The following HBS1L variants were observed in gnomAD, a reference collection of about 807,000 sequenced individuals.
The protein encoded by HBS1L is HBS1 like translational GTPase.
A neutral mutation model predicts 88.9 loss-of-function variants in HBS1L; 55 were observed. The observed-to-expected ratio is 0.62, with a 90% CI of 0.50 to 0.77. HBS1L has a LOEUF of 0.77. HBS1L is among the 30% of genes least tolerant of loss of function. HBS1L has a pLI of 0.00. For synonymous variants in HBS1L, 267 were observed against 288.5 expected (o/e 0.93, Z 0.76); for missense variants, 741 against 829.3 (o/e 0.89, Z 1.31).
intron 4 of HBS1L, chr6:135,035,865 C>T (rs1041003670): frequency 3.9e-6 from 3 of 761,050 alleles, no homozygotes; most frequent in African/African-American, 4.0e-5. Flanking sequence ...TACTTGAAAA[C>T]ACTTTTTATA....
intron 15 of HBS1L, 68 bp downstream of exon 15, chr6:134,978,611 T>C: frequency 1.2e-6 from 1 of 810,590 alleles, no homozygotes; most frequent in South Asian, 1.9e-5. Context: ...TAAAGAAAGT[T>C]ACCACTTTTA....
Position 134,997,413 on chromosome 6 carries a change from G to C in HBS1L, c.783C>G (p.Leu261=). The C allele has an allele frequency of 6.2e-7, 1 of 1,613,972 alleles. No homozygotes were observed. Among genetic ancestry groups the C allele is most frequent in the Non-Finnish European group, 8.5e-7 (1 of 1,179,944 alleles). The change falls in exon 6 of 18, where the codon CTC becomes CTG. Residue 261 remains leucine, a synonymous_variant. Coordinates refer to ENST00000367837, the MANE Select transcript of HBS1L (RefSeq NM_006620.4). ...GAGCATTACCAATGACCACTAAGTT[G>C]AGTAGCTGCTTCCCTCCTTGCCGCT... The part of the protein sequence containing the change: ...LEKRQGGKQL[L]NLVVIGHVDA...
At position 134,986,815 on chromosome 6, in the gene HBS1L, T is replaced by C; in HGVS notation, c.1231-5A>G. 2 of 1,504,760 alleles carry C rather than the reference T, an allele frequency of 1.3e-6. No individual in the cohort carries two copies. The highest frequency in any genetic ancestry group is 1.8e-6 in the Non-Finnish European group (2 of 1,114,622). The allele number at this position is 1,504,760 out of a possible 1,614,324, so 93.2% of individuals were successfully genotyped here. A position where few individuals can be genotyped will look rare whatever the true frequency, so the allele number is the denominator to read the frequency against. On this transcript the variant is annotated splice_polypyrimidine_tract_variant and splice_region_variant and intron_variant, in intron 9 of 17. Coordinates refer to ENST00000367837, the MANE Select transcript of HBS1L (RefSeq NM_006620.4). Reference sequence around the variant, plus strand: ...CCTTTCTTGTTGCCAATTAACCTGATAAAGATCCAATTTATTTTTAAAACT... The same window carrying C: ...CCTTTCTTGTTGCCAATTAACCTGACAAAGATCCAATTTATTTTTAAAACT...
intron 16 of HBS1L, among the ~76,000 whole-genome samples, chr6:134,966,800 C>G (rs2114739655): frequency 6.6e-6 from 1 of 151,620 alleles, no homozygotes; most frequent in Middle Eastern, 3.4e-3. Flanking sequence ...TTCATTCCCT[C>G]AAGAAAGTGA....
intron 4 of HBS1L, chr6:135,036,682 T>A (rs1374940727): frequency 6.4e-7 from 1 of 1,551,276 alleles, no homozygotes; most frequent in Admixed American, 2.0e-5. Flanking sequence ...ATCTTGAACT[T>A]GTCTACTATA....
chr6:135,023,366 C>A (rs1238334296), intron 4 of HBS1L, among the ~76,000 whole-genome samples: 2 of 152,218 alleles, frequency 1.3e-5, no homozygotes, highest in Non-Finnish European at 2.9e-5. Context: ...GTGGTGTGAA[C>A]CCCAGAGGCG....
At chr6:134,966,910 G>GAAAAACAAA (rs1774331932) in intron 16 of HBS1L, among the ~76,000 whole-genome samples, 1 of 147,398 alleles carries the variant, frequency 6.8e-6, no homozygotes, top group African/African-American at 2.7e-5. Context: ...TAGTAAAACT[G>GAAAAACAAA]TAATTTATGG....
chr6:135,000,369 T>TA (rs1420353516), intron 5 of HBS1L, among the ~76,000 whole-genome samples: 1 of 151,820 alleles, frequency 6.6e-6, no homozygotes, highest in Non-Finnish European at 1.5e-5. Context: ...CCTGTACACT[T>TA]ACCTAATATT....
chr6:135,047,873 T>C (rs906625583), intron 2 of HBS1L, among the ~76,000 whole-genome samples: 2 of 152,228 alleles, frequency 1.3e-5, no homozygotes, highest in African/African-American at 4.8e-5. Context: ...TAGTCAACTG[T>C]GATGCTGAAT....
At chr6:134,982,664 G>T in intron 12 of HBS1L, 102 bp from the exon 13 acceptor site, 1 of 528,364 alleles carries the variant, frequency 1.9e-6, no homozygotes, top group Non-Finnish European at 3.4e-6. Flanking sequence ...AAAACTAGTA[G>T]TTCAATGGAC....
intron 16 of HBS1L, 72 bp from the exon 17 acceptor site, chr6:134,966,545 A>G: frequency 9.6e-7 from 1 of 1,037,800 alleles, no homozygotes; most frequent in Non-Finnish European, 1.3e-6. Flanking sequence ...AACTTGAAAA[A>G]CAAATATTTC....
Position 134,971,747 on chromosome 6 carries a change from A to G in HBS1L, c.1798-2409T>C, listed in dbSNP as rs143315591. ...AGTGTAATAGGAAAAAAAAGTACTG[A>G]ATTTCAGAGTAAAGGTAATGAATAA... On this transcript the variant is annotated intron_variant, in intron 15 of 17. Coordinates refer to ENST00000367837, the MANE Select transcript of HBS1L (RefSeq NM_006620.4). Among the ~76,000 whole-genome samples the G allele has an allele frequency of 5.5e-3, 836 of 152,272 alleles. 8 individuals are homozygous for G. Among genetic ancestry groups the G allele is most frequent in the African/African-American group, 0.017 (703 of 41,562 alleles).
chr6:135,041,954 G>A (rs774604415), intron 3 of HBS1L, 47 bp downstream of exon 3: 86 of 1,553,986 alleles, frequency 5.5e-5, no homozygotes, highest in Non-Finnish European at 7.4e-5. Flanking sequence ...TGGTGTATTT[G>A]GTCATTAATC....
rs371111328 is a variant in HBS1L, at chr6:134,971,293, A to C, written c.1798-1955T>G. Among the ~76,000 whole-genome samples, 24 of 152,312 alleles carry C rather than the reference A, an allele frequency of 1.6e-4. 2 individuals are homozygous for C. Among genetic ancestry groups the C allele is most frequent in the Admixed American group, 4.6e-4 (7 of 15,306 alleles). On this transcript the variant is annotated intron_variant, in intron 15 of 17. Coordinates refer to ENST00000367837, the MANE Select transcript of HBS1L (RefSeq NM_006620.4). ...AGAAACACCTGTGTGCATTCAAAGG[A>C]TTCAGGTCTTAACCAGTACCAATAT... is the stretch of plus-strand genomic sequence containing the variant.
intron 17 of HBS1L, 24 bp downstream of exon 17, chr6:134,966,305 A>C (rs371080990): frequency 1.3e-5 from 20 of 1,596,172 alleles, no homozygotes; most frequent in Middle Eastern, 1.7e-4. Context: ...TGGATATATA[A>C]TGAGTCACTT....
chr6:134,993,884 AAACAT>A lies in HBS1L; in HGVS notation c.966-14_966-10del. The A allele has an allele frequency of 7.4e-7, 1 of 1,350,354 alleles. No individual in the cohort carries two copies. The highest frequency in any genetic ancestry group is 1.1e-6 in the Non-Finnish European group (1 of 948,696). 83.6% of individuals were successfully genotyped at this position (1,350,354 alleles called of 1,614,324 possible). A position where few individuals can be genotyped will look rare whatever the true frequency, so the allele number is the denominator to read the frequency against. ...CATCCATGGTTACTCCCCTTAAACA[AAACAT>A]AACATGGTTAGAATGTACGATATAA... On this transcript the variant is annotated splice_polypyrimidine_tract_variant and intron_variant, in intron 7 of 17. Coordinates refer to ENST00000367837, the MANE Select transcript of HBS1L (RefSeq NM_006620.4).
At chr6:135,008,892 C>CAGTTTAAT (rs1775687425) in intron 4 of HBS1L, among the ~76,000 whole-genome samples, 1 of 152,104 alleles carries the variant, frequency 6.6e-6, no homozygotes, top group South Asian at 2.1e-4. Flanking sequence ...CCAATAAATA[C>CAGTTTAAT]AGTTTAATGA....
chr6:135,034,201 T>TA (rs1334357769), intron 4 of HBS1L, among the ~76,000 whole-genome samples: 1 of 149,622 alleles, frequency 6.7e-6, no homozygotes, highest in Non-Finnish European at 1.5e-5. Flanking sequence ...ATACTGAATA[T>TA]AAAAACATGA....
At chr6:134,973,427 T>G (rs1774549571) in intron 15 of HBS1L, among the ~76,000 whole-genome samples, 1 of 152,218 alleles carries the variant, frequency 6.6e-6, no homozygotes, top group African/African-American at 2.4e-5. Context: ...GAAGAATGGT[T>G]ATCAGGGGAT....
Sources: allele counts gnomAD v4.1 joint callset (sites outside exome capture counted in the v4.1 genomes callset), GRCh38; gene constraint gnomAD v4.1.1; transcripts MANE v1.5; gene names NCBI Gene and HGNC (gene_info 2026-07-23, HGNC 2026-07-21).